PDCD10: variants seen among roughly 807,000 people sequenced by gnomAD.
PDCD10 encodes programmed cell death protein 10.
In PDCD10, 4 loss-of-function variants were observed where a neutral mutation model predicts 29.2. The ratio of observed to expected loss-of-function variants is 0.14; its 90% confidence interval spans 0.07 to 0.31. The LOEUF (loss-of-function observed/expected upper bound fraction) is 0.31. PDCD10 is among the 10% of genes least tolerant of loss of function. The probability of loss-of-function intolerance (pLI) is 1.00; values close to 1 mark genes in which losing one functional copy is unlikely to be tolerated. For synonymous variants in PDCD10, 70 were observed against 82.2 expected (o/e 0.85, Z 0.80); for missense variants, 183 against 257.9 (o/e 0.71, Z 1.99).
In PDCD10 at chr3:167,715,733, A is replaced by C. The variant is rs147989369; in HGVS notation, c.96+4329T>G. On this transcript the variant is annotated intron_variant, in intron 3 of 8. Coordinates refer to ENST00000392750, the MANE Select transcript of PDCD10 (RefSeq NM_007217.4). ...GTGGTATCACCTCATCCCAATTAAA[A>C]TGGCTTTTAACCAAAAGACAAGGAA... 2.1e-3 allele frequency among the ~76,000 whole-genome samples: 321 copies of C among 152,194 alleles called. 5 individuals carry two copies. Among genetic ancestry groups the C allele is most frequent in the Admixed American group, 0.017 (265 of 15,282 alleles).
intron 4 of PDCD10, among the ~76,000 whole-genome samples, chr3:167,699,677 A>G (rs1201171907): frequency 6.6e-6 from 1 of 152,202 alleles, no homozygotes; most frequent in Non-Finnish European, 1.5e-5. Context: ...GGGCAGCAAC[A>G]TACACTCTTG....
At chr3:167,730,862 G>A (rs1438621531) in intron 2 of PDCD10, 1 of 151,996 alleles carries the variant, frequency 6.6e-6, no homozygotes, top group Non-Finnish European at 1.5e-5. Context: ...AAATTTTCAG[G>A]AAACCCAAAA....
chr3:167,727,232 A>G (rs936798783), intron 2 of PDCD10, among the ~76,000 whole-genome samples: 1 of 152,252 alleles, frequency 6.6e-6, no homozygotes, highest in Non-Finnish European at 1.5e-5. Flanking sequence ...AAAATTAAAG[A>G]GCTCATTACC....
chr3:167,702,175 G>C (rs981417949), intron 4 of PDCD10, among the ~76,000 whole-genome samples: 22 of 152,136 alleles, frequency 1.4e-4, no homozygotes, highest in African/African-American at 5.3e-4. Context: ...ACATATTTCT[G>C]TAAAGTTACA....
chr3:167,725,347 T>C (rs907882777), intron 2 of PDCD10: 3 of 151,548 alleles, frequency 2.0e-5, no homozygotes, highest in Non-Finnish European at 4.4e-5. Flanking sequence ...GATGGTAGTC[T>C]GGCCATTTAA....
rs1313915544 is a variant in PDCD10 at position 167,695,666 on chromosome 3, C to T, written c.325G>A (p.Ala109Thr). The T allele has an allele frequency of 6.2e-7, 1 of 1,612,956 alleles. No homozygotes were observed. Among genetic ancestry groups the T allele is most frequent in the Non-Finnish European group, 8.5e-7 (1 of 1,178,946 alleles). Residue 109 changes from alanine to threonine, a missense_variant, in exon 6 of 9, where the codon GCA (alanine) becomes ACA (threonine). By Grantham distance (58) the Ala-to-Thr change is moderately conservative. Transcript: ENST00000392750. ...ATCTTACTGAGAATTTGTTTAAGTGCTCGTGCCTTTTCGTTTAGGTCTTGG... is the reference window on the plus strand; with the variant it reads ...ATCTTACTGAGAATTTGTTTAAGTGTTCGTGCCTTTTCGTTTAGGTCTTGG... The part of the protein sequence containing the change: ...EFQDLNEKAR[A>T]LKQILSKIPD...
intron 2 of PDCD10, among the ~76,000 whole-genome samples, chr3:167,731,630 C>T (rs1016005798): frequency 6.6e-6 from 1 of 152,176 alleles, no homozygotes; most frequent in African/African-American, 2.4e-5. Flanking sequence ...TTACTGAACC[C>T]TTACAATGTG....
In PDCD10 at chr3:167,683,591, T is replaced by C. The variant is rs1719277779; in HGVS notation, c.*717A>G. ...ACATTTGTCACAAGAGTTCAAAAAG[T>C]GGCATTATAGTGCAAAAACACTAGA... On this transcript the variant is annotated 3_prime_UTR_variant, in exon 9 of 9. Coordinates refer to ENST00000392750, the MANE Select transcript of PDCD10 (RefSeq NM_007217.4). 1 of 151,944 alleles carries C rather than the reference T, an allele frequency of 6.6e-6. No individual in the cohort carries two copies. The highest frequency in any genetic ancestry group is 2.4e-5 in the African/African-American group (1 of 41,414). 9.4% of individuals were successfully genotyped at this position (151,944 alleles called of 1,614,324 possible).
At chr3:167,719,448 GTTAATA>G (rs1559972479) in intron 3 of PDCD10, among the ~76,000 whole-genome samples, 1 of 151,958 alleles carries the variant, frequency 6.6e-6, no homozygotes. Context: ...ACCTTAGCAT[GTTAATA>G]TTAATTTAAA....
At chr3:167,726,471 T>C (rs1476843486) in intron 2 of PDCD10, among the ~76,000 whole-genome samples, 1 of 152,120 alleles carries the variant, frequency 6.6e-6, no homozygotes, top group Middle Eastern at 3.2e-3. Flanking sequence ...AGATAGACAG[T>C]ATACAGCAGG....
rs147562336 is a variant in PDCD10, at chr3:167,685,021, G to C, written c.558-632C>G. On this transcript the variant is annotated intron_variant, in intron 8 of 8. Coordinates refer to ENST00000392750, the MANE Select transcript of PDCD10 (RefSeq NM_007217.4). ...CCTAATGGCTCATCTTCATGCAGCTGGGATTCAGAGATGATGCCCTAGTCC... is the reference window on the plus strand; with the variant it reads ...CCTAATGGCTCATCTTCATGCAGCTCGGATTCAGAGATGATGCCCTAGTCC... Among the ~76,000 whole-genome samples the C allele has an allele frequency of 4.6e-5, 7 of 152,082 alleles. No homozygotes were observed. The East Asian group carries it at 1.4e-3, about 30-fold the overall frequency.
At chr3:167,692,361 G>A (rs370482404) in intron 6 of PDCD10, among the ~76,000 whole-genome samples, 3 of 152,140 alleles carry the variant, frequency 2.0e-5, no homozygotes, top group African/African-American at 7.2e-5. Flanking sequence ...CATACATTTT[G>A]TGCATACAAC....
At chr3:167,708,145 A>C (rs1224852318) in intron 3 of PDCD10, among the ~76,000 whole-genome samples, 2 of 152,166 alleles carry the variant, frequency 1.3e-5, no homozygotes, top group South Asian at 2.1e-4. Context: ...TCCACTTATA[A>C]AAATATTTTA....
Position 167,720,235 on chromosome 3 carries a change from T to C in PDCD10, c.-78A>G. ...ATTCACTGCAATATTTCTTCTCTTT[T>C]TTGGTGATAAAAGAATTGGACACAA... On this transcript the variant is annotated 5_prime_UTR_variant, in exon 3 of 9. Transcript: ENST00000392750. The C allele has an allele frequency of 2.1e-6, 2 of 963,032 alleles. No homozygotes were observed. The highest frequency in any genetic ancestry group is 2.4e-5 in the East Asian group (1 of 40,906). 59.7% of individuals were successfully genotyped at this position (963,032 alleles called of 1,614,324 possible). A position where few individuals can be genotyped will look rare whatever the true frequency, so the allele number is the denominator to read the frequency against.
chr3:167,692,784 G>A (rs1720392091), intron 6 of PDCD10, among the ~76,000 whole-genome samples: 1 of 152,224 alleles, frequency 6.6e-6, no homozygotes, highest in Non-Finnish European at 1.5e-5. Flanking sequence ...CAGGCATGGT[G>A]GCGGGCGCCT....
At chr3:167,693,546 A>C (rs1312274159) in intron 6 of PDCD10, among the ~76,000 whole-genome samples, 2 of 152,198 alleles carry the variant, frequency 1.3e-5, no homozygotes, top group Non-Finnish European at 2.9e-5. Flanking sequence ...GACTACCATG[A>C]CCAAAGATGT....
At chr3:167,717,271 C>G (rs1723116788) in intron 3 of PDCD10, among the ~76,000 whole-genome samples, 1 of 151,994 alleles carries the variant, frequency 6.6e-6, no homozygotes, top group African/African-American at 2.4e-5. Context: ...GTCCTACTAG[C>G]TAGAAATCCT....
At chr3:167,689,443 A>T (rs1719979010) in intron 6 of PDCD10, among the ~76,000 whole-genome samples, 1 of 152,216 alleles carries the variant, frequency 6.6e-6, no homozygotes, top group Non-Finnish European at 1.5e-5. Context: ...GTATTTCAAT[A>T]TTCTGCTAAA....
intron 2 of PDCD10, among the ~76,000 whole-genome samples, 169 bp downstream of exon 2, chr3:167,734,045 C>G (rs919748798): frequency 6.6e-6 from 1 of 152,168 alleles, no homozygotes; most frequent in Non-Finnish European, 1.5e-5. Context: ...CCACCCTTTT[C>G]AAAAAGCACA....
Sources: allele counts gnomAD v4.1 joint callset (sites outside exome capture counted in the v4.1 genomes callset), GRCh38; gene constraint gnomAD v4.1.1; transcripts MANE v1.5; gene names NCBI Gene and HGNC (gene_info 2026-07-23, HGNC 2026-07-21).